THBS2: variants seen among roughly 807,000 people sequenced by gnomAD.
The protein encoded by THBS2 is thrombospondin-2.
A neutral mutation model predicts 135.2 loss-of-function variants in THBS2; 47 were observed. That is an observed-to-expected ratio of 0.35 (90% confidence interval 0.28 to 0.44). THBS2 has a LOEUF of 0.44. Among genes scored for constraint, THBS2 ranks in the 20% least tolerant of loss-of-function variants. The pLI, the probability that THBS2 is intolerant of heterozygous loss-of-function variation, is 1.00. For missense variants in THBS2, 1,288 were observed against 1,603.1 expected (o/e 0.80, Z 3.36); for synonymous variants, 639 against 633.8 (o/e 1.01, Z -0.12).
At chr6:169,226,116 C>G in intron 16 of THBS2, 64 bp downstream of exon 16, 1 of 1,497,666 alleles carries the variant, frequency 6.7e-7, no homozygotes, top group South Asian at 1.2e-5. Flanking sequence ...TCCCCCACAC[C>G]GCCACCGTCC....
intron 9 of THBS2, 90 bp from the exon 10 acceptor site, chr6:169,234,997 C>T: frequency 7.4e-7 from 1 of 1,342,764 alleles, no homozygotes; most frequent in African/African-American, 1.4e-5. Context: ...GCAGGTGGGA[C>T]ATGGTGTTCC....
At chr6:169,253,130 T>C (rs536707631) in intron 1 of THBS2, among the ~76,000 whole-genome samples, 2 of 152,364 alleles carry the variant, frequency 1.3e-5, no homozygotes, top group South Asian at 2.1e-4. Context: ...TCTCTAGTTA[T>C]GTTCAAAACC....
At position 169,237,255 on chromosome 6, in the gene THBS2, G is replaced by A; in HGVS notation, c.1392C>T (p.Cys464=). The A allele has an allele frequency of 6.2e-7, 1 of 1,613,436 alleles. No individual in the cohort carries two copies. Among genetic ancestry groups the A allele is most frequent in the Non-Finnish European group, 8.5e-7 (1 of 1,180,012 alleles). ...GVGNITRIRL[C]NSPVPQMGGK... is the part of the protein sequence containing the mutation. Reference sequence around the variant, plus strand: ...CCCCCATCTGGGGCACTGGGGAGTTGCAGAGACGGATGCGTGTGATATTGC... The same window carrying A: ...CCCCCATCTGGGGCACTGGGGAGTTACAGAGACGGATGCGTGTGATATTGC... Residue 464 remains cysteine, a synonymous_variant, in exon 9 of 22, where the codon TGC becomes TGT. Transcript: ENST00000617924.
chr6:169,232,126 C>T lies in THBS2; in HGVS notation c.2005G>A (p.Gly669Ser), dbSNP rs1303844662. The T allele has an allele frequency of 3.1e-6, 5 of 1,614,100 alleles. No homozygotes were observed. Among genetic ancestry groups the T allele is most frequent in the East Asian group, 2.2e-5 (1 of 44,870 alleles). ...CHKHAECIYL[G>S]HFSDPMYKCE... ...TTGTACATGGGGTCGCTGAAGTGGCCCAGGTAGATGCACTCCGCGTGCTTG... is the reference window on the plus strand; with the variant it reads ...TTGTACATGGGGTCGCTGAAGTGGCTCAGGTAGATGCACTCCGCGTGCTTG... The change falls in exon 13 of 22, where the codon GGC (glycine) becomes AGC (serine). Residue 669 changes from glycine to serine, a missense_variant. By Grantham distance (56) the Gly-to-Ser change is moderately conservative. Transcript: ENST00000617924.
chr6:169,237,500 C>T (rs182283183), intron 8 of THBS2, 125 bp downstream of exon 8: 1 of 1,519,984 alleles, frequency 6.6e-7, no homozygotes, highest in East Asian at 2.3e-5. Flanking sequence ...CCTCACCTGG[C>T]TAGAATCCTT....
At chr6:169,234,488 A>G in intron 10 of THBS2, 2 of 455,806 alleles carry the variant, frequency 4.4e-6, no homozygotes, top group South Asian at 3.1e-5. Flanking sequence ...ACAATTACCC[A>G]CACACCACAT....
Position 169,222,469 on chromosome 6 carries a change from C to G in THBS2, c.3002-1G>C, listed in dbSNP as rs751673387. ...TCCACAGACCCAAACTCGTCAAAAC[C>G]TGGATGCAACGCCATAAGGTTTCGT... On this transcript the variant is annotated splice_acceptor_variant, in intron 18 of 21. Coordinates refer to ENST00000617924, the MANE Select transcript of THBS2 (RefSeq NM_003247.5). LOFTEE classifies it high-confidence loss of function. The G allele has an allele frequency of 6.2e-7, 1 of 1,611,786 alleles. No individual in the cohort carries two copies. The highest frequency in any genetic ancestry group is 2.2e-5 in the East Asian group (1 of 44,856).
chr6:169,225,200 G>T lies in THBS2; in HGVS notation c.2718C>A (p.Pro906=). Residue 906 remains proline (P), a synonymous_variant, in exon 17 of 22, where the codon CCC becomes CCA. Transcript: ENST00000617924. ...CAAGCCGGCAGTTGTCCCTGTCATC[G>T]GGGACGCCATCGTTGTCATCATCAG... The part of the protein sequence containing the change: ...CDPDDDNDGV[P]DDRDNCRLVF... 1 of 1,614,170 alleles carries T rather than the reference G, an allele frequency of 6.2e-7. No individual in the cohort carries two copies. The highest frequency in any genetic ancestry group is 8.5e-7 in the Non-Finnish European group (1 of 1,180,036).
chr6:169,246,655 T>C (rs1280846172), intron 3 of THBS2, among the ~76,000 whole-genome samples: 1 of 152,184 alleles, frequency 6.6e-6, no homozygotes, highest in Non-Finnish European at 1.5e-5. Context: ...GTTTCTGCAT[T>C]TGGCAAAGAG....
chr6:169,231,899 C>G (rs11966041), intron 13 of THBS2, 81 bp downstream of exon 13: 359,687 of 1,503,530 alleles, frequency 0.24, 46,444 homozygotes, highest in African/African-American at 0.49. Flanking sequence ...TGCCCCCGCC[C>G]CCCGTCCGCG....
chr6:169,231,878 ATTCCC>A, intron 13 of THBS2, 97 bp downstream of exon 13: 1 of 1,363,258 alleles, frequency 7.3e-7, no homozygotes, highest in Non-Finnish European at 1.0e-6. Flanking sequence ...CTCCTTCCAA[ATTCCC>A]TGTGCTGCCC....
chr6:169,225,469 C>T, intron 16 of THBS2, 90 bp from the exon 17 acceptor site: 3 of 1,307,282 alleles, frequency 2.3e-6, no homozygotes, highest in South Asian at 2.7e-5. Context: ...GAGAGCCGGC[C>T]TCCTCGTCCT....
rs780398308 is a variant in THBS2, at chr6:169,222,244, C to T, written c.3226G>A (p.Glu1076Lys). Residue 1076 changes from glutamate (E) to lysine (K), a missense_variant, in exon 19 of 22, where the codon GAG becomes AAG. By Grantham distance (56) the Glu-to-Lys change is moderately conservative. Around this residue, in one of 2 missense-constraint regions of THBS2, gnomAD observed 874 missense variants for 1,156.1 expected, o/e 0.76. Coordinates refer to ENST00000617924, the MANE Select transcript of THBS2 (RefSeq NM_003247.5). ...KVVNSTTGTG[E>K]HLRNALWHTG... is the part of the protein sequence containing the mutation. ...TGCCACAGCGCGTTCCTCAGGTGCT[C>T]GCCCGTCCCCGTGGTGGAGTTCACC... 29 of 1,612,924 alleles carry T rather than the reference C, an allele frequency of 1.8e-5. No homozygotes were observed. The highest frequency in any genetic ancestry group is 2.2e-5 in the South Asian group (2 of 91,084).
At chr6:169,232,283 C>T (rs74417889) in intron 12 of THBS2, 85 bp from the exon 13 acceptor site, 279,871 of 1,458,036 alleles carry the variant, frequency 0.19, 27,388 homozygotes, top group South Asian at 0.23. Flanking sequence ...CACCGCAGGC[C>T]CCAGCAGGTC....
intron 4 of THBS2, among the ~76,000 whole-genome samples, chr6:169,242,632 C>CCTTCCTAT: frequency 1.5e-5 from 1 of 65,290 alleles, no homozygotes; most frequent in South Asian, 6.4e-4. Context: ...CACCTTCCCA[C>CCTTCCTAT]CACTCCCACC....
chr6:169,250,716 G>A lies in THBS2; in HGVS notation c.52+17C>T. 6.2e-7 allele frequency: 1 copy of A among 1,611,754 alleles called. No homozygotes were observed. Among genetic ancestry groups the A allele is most frequent in the Non-Finnish European group, 8.5e-7 (1 of 1,178,758 alleles). On this transcript the variant is annotated intron_variant, in intron 2 of 21. Coordinates refer to ENST00000617924, the MANE Select transcript of THBS2 (RefSeq NM_003247.5). ...CTCACAAGCCAGAGAGAGACCACAG[G>A]CTCTGAGGACACTCACCTTGCGTGC...
At chr6:169,221,585 T>A in intron 19 of THBS2, 58 bp from the exon 20 acceptor site, 1 of 1,493,454 alleles carries the variant, frequency 6.7e-7, no homozygotes. Context: ...TAACCACAGC[T>A]CTGTAACACC....
intron 9 of THBS2, among the ~76,000 whole-genome samples, chr6:169,236,146 C>T (rs1169750687): frequency 1.6e-5 from 1 of 60,848 alleles, no homozygotes; most frequent in Non-Finnish European, 3.8e-5. Context: ...TCCACACTCA[C>T]TCCCCATCCA....
chr6:169,243,261 G>A (rs1004389296), intron 4 of THBS2, among the ~76,000 whole-genome samples: 1 of 152,026 alleles, frequency 6.6e-6, no homozygotes, highest in Non-Finnish European at 1.5e-5. Context: ...CGTGGGACCT[G>A]GGTGGGTATG....
Sources: gnomAD v4.1 joint callset for allele counts (sites outside exome capture counted in the v4.1 genomes callset) on GRCh38, gnomAD v4.1.1 for gene constraint, gnomAD v4.1.1 regional missense constraint, MANE v1.5 for transcripts, NCBI Gene and HGNC (gene_info 2026-07-23, HGNC 2026-07-21) for gene names.